Variants in RXYLT1 observed in about 807,000 individuals in gnomAD.
RXYLT1 encodes ribitol xylosyltransferase 1, also known as ribitol-5-phosphate xylosyltransferase 1.
Under a neutral mutation model 43.5 loss-of-function variants are expected in RXYLT1, and 41 were observed. The observed-to-expected ratio is 0.94, with a 90% CI of 0.73 to 1.22. RXYLT1 has a LOEUF of 1.22. RXYLT1 is among the 50% of genes most tolerant of loss of function. RXYLT1 has a pLI of 0.00. For synonymous variants in RXYLT1, 166 were observed against 194.4 expected (o/e 0.85, Z 1.21); for missense variants, 514 against 532.0 (o/e 0.97, Z 0.33).
intron 2 of RXYLT1, among the ~76,000 whole-genome samples, chr12:63,781,949 A>G (rs1897694021): frequency 6.6e-6 from 1 of 152,246 alleles, no homozygotes; most frequent in African/African-American, 2.4e-5. Flanking sequence ...ATACAAGTAT[A>G]TATCCTAGAA....
At chr12:63,798,810 A>AT (rs1418850190) in intron 3 of RXYLT1, among the ~76,000 whole-genome samples, 1 of 152,258 alleles carries the variant, frequency 6.6e-6, no homozygotes, top group Non-Finnish European at 1.5e-5. Context: ...GAGAAGTTCT[A>AT]TAGTGCTCAA....
At chr12:63,784,914 C>G (rs1897766275) in intron 2 of RXYLT1, 56 bp from the exon 3 acceptor site, 2 of 1,467,370 alleles carry the variant, frequency 1.4e-6, no homozygotes, top group Non-Finnish European at 9.5e-7. Flanking sequence ...GTCTCATGCA[C>G]TAAAGTAGAT....
chr12:63,794,148 ACCTGGCATGAATT>A (rs1897978097), intron 3 of RXYLT1, among the ~76,000 whole-genome samples: 1 of 152,206 alleles, frequency 6.6e-6, no homozygotes, highest in Non-Finnish European at 1.5e-5. Context: ...AGCTAAATCC[ACCTGGCATGAATT>A]TCAAAATGCC....
At chr12:63,800,759 TAAA>T in intron 3 of RXYLT1, among the ~76,000 whole-genome samples, 1 of 151,928 alleles carries the variant, frequency 6.6e-6, no homozygotes, top group East Asian at 1.9e-4. Flanking sequence ...CTGTCTCTAC[TAAA>T]AATACAAAAA....
chr12:63,805,156 C>T, intron 4 of RXYLT1, 78 bp from the exon 5 acceptor site: 1 of 1,102,886 alleles, frequency 9.1e-7, no homozygotes, highest in Non-Finnish European at 1.3e-6. Flanking sequence ...ATACTTCTTG[C>T]TACCTAAGAG....
intron 3 of RXYLT1, among the ~76,000 whole-genome samples, chr12:63,796,840 C>T (rs1362451509): frequency 6.6e-6 from 1 of 150,716 alleles, no homozygotes; most frequent in Non-Finnish European, 1.5e-5. Context: ...GTTGACCATT[C>T]ATTAGGAAAA....
chr12:63,795,284 A>AG (rs200385976), intron 3 of RXYLT1, among the ~76,000 whole-genome samples: 3,482 of 150,814 alleles, frequency 0.023, 54 homozygotes, highest in Non-Finnish European at 0.031. Context: ...GTGTCAAAAA[A>AG]AAAGAAGAAG....
At chr12:63,783,132 C>T (rs146944002) in intron 2 of RXYLT1, among the ~76,000 whole-genome samples, 48 of 152,272 alleles carry the variant, frequency 3.2e-4, no homozygotes, top group African/African-American at 1.0e-3. Context: ...ATAACACATT[C>T]CTGATTTTCT....
intron 3 of RXYLT1, among the ~76,000 whole-genome samples, chr12:63,786,314 G>A (rs1897798958): frequency 6.6e-6 from 1 of 152,128 alleles, no homozygotes; most frequent in South Asian, 2.1e-4. Context: ...AAAGCCAAAT[G>A]TATCCTTTAC....
At chr12:63,804,085 T>C (rs1898229235) in intron 4 of RXYLT1, 1 of 152,204 alleles carries the variant, frequency 6.6e-6, no homozygotes, top group South Asian at 2.1e-4. Context: ...ATTCCTGACC[T>C]CAAGTGATCT....
rs1312415317 is a variant in RXYLT1, at chr12:63,784,990, A to G, written c.346A>G (p.Ile116Val). Residue 116 changes from isoleucine (I) to valine (V), a missense_variant, in exon 3 of 6, where the codon ATT becomes GTT. Transcript: ENST00000261234. Reference protein sequence around the residue: ...AAIGLYLWEHIFEGLLDPSDV... With the variant: ...AAIGLYLWEHVFEGLLDPSDV... The stretch of plus-strand genomic sequence containing the variant: ...ACCAGGCTTGTATCTCTGGGAGCAT[A>G]TTTTTGAAGGCTTACTTGATCCCAG... The G allele has an allele frequency of 1.9e-6, 3 of 1,613,688 alleles. No homozygotes were observed. The highest frequency in any genetic ancestry group is 2.2e-5 in the East Asian group (1 of 44,874).
intron 3 of RXYLT1, among the ~76,000 whole-genome samples, chr12:63,786,529 AC>A (rs1179511511): frequency 6.6e-6 from 1 of 151,890 alleles, no homozygotes; most frequent in Non-Finnish European, 1.5e-5. Context: ...AAAAATACGT[AC>A]CTTAAGTGAA....
At chr12:63,792,930 A>G (rs575091332) in intron 3 of RXYLT1, among the ~76,000 whole-genome samples, 8 of 152,292 alleles carry the variant, frequency 5.3e-5, no homozygotes, top group Middle Eastern at 3.4e-3. Context: ...GGGTCTTGCT[A>G]TGTTGCCCAG....
At chr12:63,795,159 C>T (rs1049061724) in intron 3 of RXYLT1, among the ~76,000 whole-genome samples, 12 of 151,986 alleles carry the variant, frequency 7.9e-5, no homozygotes, top group African/African-American at 2.4e-4. Flanking sequence ...TAGCACCTGT[C>T]GTCCCAGGTA....
rs1484230202 is a variant in RXYLT1 at position 63,802,248 on chromosome 12, C to T, written c.586C>T (p.Leu196Phe). ...NLVQIQKLQH[L>F]AVVLLGNEHC... ...AGTGCAAATTCAAAAACTCCAGCAT[C>T]TTGCTGTTGTTTTGCTCGGAAATGA... is the stretch of plus-strand genomic sequence containing the variant. Residue 196 changes from leucine (L) to phenylalanine (F), a missense_variant, in exon 4 of 6, where the codon CTT (leucine) becomes TTT (phenylalanine). Physicochemically the swap from Leu to Phe is conservative, Grantham distance 22. Coordinates refer to ENST00000261234, the MANE Select transcript of RXYLT1 (RefSeq NM_014254.3). The T allele has an allele frequency of 1.9e-6, 3 of 1,614,078 alleles. No individual in the cohort carries two copies. Among genetic ancestry groups the T allele is most frequent in the Admixed American group, 1.7e-5 (1 of 60,002 alleles).
At chr12:63,791,873 C>T (rs941903180) in intron 3 of RXYLT1, among the ~76,000 whole-genome samples, 1 of 152,200 alleles carries the variant, frequency 6.6e-6, no homozygotes, top group Non-Finnish European at 1.5e-5. Flanking sequence ...GATTAAATAA[C>T]TTCCCCACAA....
At chr12:63,788,007 G>A (rs1897844051) in intron 3 of RXYLT1, among the ~76,000 whole-genome samples, 1 of 152,210 alleles carries the variant, frequency 6.6e-6, no homozygotes, top group African/African-American at 2.4e-5. Flanking sequence ...TATTTTGTTA[G>A]CAGGTATGAG....
intron 3 of RXYLT1, among the ~76,000 whole-genome samples, chr12:63,788,596 C>T (rs1005856100): frequency 1.3e-5 from 2 of 152,178 alleles, no homozygotes; most frequent in Non-Finnish European, 2.9e-5. Flanking sequence ...AGACTTTTCT[C>T]CTGCAGCTTC....
chr12:63,789,265 T>A (rs1242823591), intron 3 of RXYLT1, among the ~76,000 whole-genome samples: 2 of 152,032 alleles, frequency 1.3e-5, no homozygotes, highest in Non-Finnish European at 2.9e-5. Context: ...CCCAAGGAGA[T>A]GGGGAGAAAT....
Sources: gnomAD v4.1 joint callset for allele counts (sites outside exome capture counted in the v4.1 genomes callset) on GRCh38, gnomAD v4.1.1 for gene constraint, MANE v1.5 for transcripts, NCBI Gene and HGNC (gene_info 2026-07-23, HGNC 2026-07-21) for gene names.